The following FOXN3 variants were observed in gnomAD, a reference collection of about 807,000 sequenced individuals.
FOXN3 encodes the protein forkhead box protein N3.
In FOXN3, 7 loss-of-function variants were observed where a neutral mutation model predicts 38.4. The observed-to-expected ratio is 0.18, with a 90% confidence interval of 0.10 to 0.34. The LOEUF is 0.34. FOXN3 is among the 10% of genes least tolerant of loss of function. The pLI is 1.00. For missense variants in FOXN3, 456 were observed against 613.4 expected, an observed-to-expected ratio of 0.74 and a Z score of 2.71; for synonymous variants, 230 against 242.2, an observed-to-expected ratio of 0.95 and a Z score of 0.47.
At chr14:89,245,164 T>A (rs1885253652) in intron 4 of FOXN3, among the ~76,000 whole-genome samples, 2 of 152,082 alleles carry the variant, frequency 1.3e-5, no homozygotes, top group Non-Finnish European at 2.9e-5. Flanking sequence ...AGAAAAGGAA[T>A]GCTAAAACGT....
chr14:89,228,724 T>A (rs763477274), intron 4 of FOXN3, among the ~76,000 whole-genome samples: 2 of 152,226 alleles, frequency 1.3e-5, no homozygotes, highest in Non-Finnish European at 2.9e-5. Flanking sequence ...ATGGGCTCAG[T>A]TCATTTCCTG....
chr14:89,403,664 T>C (rs143819776), intron 2 of FOXN3, among the ~76,000 whole-genome samples: 27 of 152,350 alleles, frequency 1.8e-4, no homozygotes, highest in East Asian at 1.2e-3. Flanking sequence ...AGTACATCGA[T>C]GAAGTATCTG....
intron 4 of FOXN3, among the ~76,000 whole-genome samples, chr14:89,203,254 G>A (rs1566928248): frequency 1.3e-5 from 2 of 152,194 alleles, no homozygotes; most frequent in South Asian, 2.1e-4. Context: ...GACTTCAGAG[G>A]GATGTGCGGT....
At chr14:89,498,588 T>C (rs1320164031) in intron 1 of FOXN3, among the ~76,000 whole-genome samples, 1 of 152,156 alleles carries the variant, frequency 6.6e-6, no homozygotes, top group Non-Finnish European at 1.5e-5. Context: ...TCATCACAAT[T>C]TGGGTTATTC....
chr14:89,221,335 GTA>G (rs1884454715), intron 4 of FOXN3, among the ~76,000 whole-genome samples: 1 of 152,270 alleles, frequency 6.6e-6, no homozygotes, highest in South Asian at 2.1e-4. Context: ...ACTATATCAT[GTA>G]TCACCACGGC....
chr14:89,175,234 G>A (rs1034600093), intron 5 of FOXN3, among the ~76,000 whole-genome samples: 2 of 152,202 alleles, frequency 1.3e-5, no homozygotes, highest in African/African-American at 4.8e-5. Context: ...GAGGTTGCTG[G>A]AGATCCAAAT....
intron 2 of FOXN3, among the ~76,000 whole-genome samples, chr14:89,367,691 TAAAC>T (rs922789376): frequency 9.2e-5 from 14 of 151,980 alleles, no homozygotes; most frequent in East Asian, 7.8e-4. Context: ...AGGAAAAAAT[TAAAC>T]AAACAGAATC....
In FOXN3 at chr14:89,213,405, A is replaced by G. The variant is rs372875292; in HGVS notation, c.746-32599T>C. Among the ~76,000 whole-genome samples, 67 of 152,284 alleles carry G rather than the reference A, an allele frequency of 4.4e-4. No homozygotes were observed. The South Asian group carries it at 0.014, about 31-fold the overall frequency. On this transcript the variant is annotated intron_variant, in intron 4 of 5. Coordinates refer to ENST00000557258, the MANE Select transcript of FOXN3 (RefSeq NM_005197.4). ...ACCAGAAATAAGAGCTGTGTGTACCATATTTCTCTTTTTGCCTTAGCTGCT... is the reference window on the plus strand; with the variant it reads ...ACCAGAAATAAGAGCTGTGTGTACCGTATTTCTCTTTTTGCCTTAGCTGCT...
intron 5 of FOXN3, among the ~76,000 whole-genome samples, chr14:89,171,371 T>C (rs187882521): frequency 2.6e-5 from 4 of 152,308 alleles, no homozygotes; most frequent in Admixed American, 1.3e-4. Flanking sequence ...GCAATAGATA[T>C]TTCCAGTCTT....
rs1469440685 is a variant in FOXN3, at chr14:89,162,760, C to T, written c.1061G>A (p.Gly354Asp). 6.2e-7 allele frequency: 1 copy of T among 1,612,998 alleles called. No homozygotes were observed. Residue 354 changes from glycine (G) to aspartate (D), a missense_variant, in exon 6 of 6, where the codon GGC (glycine) becomes GAC (aspartate). Transcript: ENST00000557258. The surrounding 1 kb of genome is among the most constrained non-coding windows in gnomAD (Gnocchi z 7.2). ...YEFATKGSQE[G>D]SEGSEGSFRS... is the part of the protein sequence containing the mutation. ...GAAGCTCCCCTCGCTGCCCTCGCTG[C>T]CCTCCTGGCTCCCCTTGGTGGCAAA...
At chr14:89,577,390 A>G (rs1895654913) in intron 1 of FOXN3, 1 of 152,094 alleles carries the variant, frequency 6.6e-6, no homozygotes, top group Admixed American at 6.5e-5. Context: ...TTACCTAGAT[A>G]CCTCCGTCTT....
intron 3 of FOXN3, among the ~76,000 whole-genome samples, chr14:89,327,714 C>T (rs12587725): frequency 0.2 from 30,140 of 152,090 alleles, 3,267 homozygotes; most frequent in African/African-American, 0.28. Context: ...GCCCAAGTCT[C>T]CCCAAAGGCA....
intron 1 of FOXN3, among the ~76,000 whole-genome samples, chr14:89,439,844 C>A (rs1408301878): frequency 6.6e-6 from 1 of 151,732 alleles, no homozygotes; most frequent in Non-Finnish European, 1.5e-5. Flanking sequence ...TTAGTAGAGA[C>A]GGGGTTTCAC....
chr14:89,603,624 G>A (rs1896205049), intron 1 of FOXN3, among the ~76,000 whole-genome samples: 1 of 152,154 alleles, frequency 6.6e-6, no homozygotes, highest in Non-Finnish European at 1.5e-5. Context: ...TGGTAGTAAT[G>A]GCAGAGTAAG....
intron 3 of FOXN3, among the ~76,000 whole-genome samples, chr14:89,286,155 A>AGAGAGGAGTAGGGAGGGGAGGAGG: frequency 6.7e-6 from 1 of 148,460 alleles, no homozygotes; most frequent in Middle Eastern, 3.4e-3. Flanking sequence ...GTATAAAACA[A>AGAGAGGAGTAGGGAGGGGAGGAGG]GAGAGGAGTA....
At chr14:89,419,435 C>T (rs1891846054), upstream of FOXN3, 1 of 321,346 alleles carries the variant, frequency 3.1e-6, no homozygotes. Context: ...CAGAAAGGAC[C>T]CTTGCGTCTT....
At chr14:89,324,993 T>C (rs74078093) in intron 3 of FOXN3, among the ~76,000 whole-genome samples, 3,819 of 152,190 alleles carry the variant, frequency 0.025, 149 homozygotes, top group African/African-American at 0.087. Context: ...TCCAACATGG[T>C]AGCCTCTTGC....
At chr14:89,250,257 T>C (rs1429574151) in intron 4 of FOXN3, among the ~76,000 whole-genome samples, 1 of 152,140 alleles carries the variant, frequency 6.6e-6, no homozygotes, top group Non-Finnish European at 1.5e-5. Context: ...ACCATAGGCA[T>C]ACACCACCAT....
chr14:89,503,347 CA>C, intron 1 of FOXN3, among the ~76,000 whole-genome samples: 1 of 151,734 alleles, frequency 6.6e-6, no homozygotes, highest in South Asian at 2.1e-4. Context: ...TATCTGAACA[CA>C]GAAAAATAAA....
Sources: allele counts gnomAD v4.1 joint callset (sites outside exome capture counted in the v4.1 genomes callset), GRCh38; gene constraint gnomAD v4.1.1; non-coding constraint Gnocchi (gnomAD v3.1); transcripts MANE v1.5; gene names NCBI Gene and HGNC (gene_info 2026-07-23, HGNC 2026-07-21).